Variants in LRMDA observed in about 807,000 individuals in gnomAD.
LRMDA encodes leucine-rich melanocyte differentiation-associated protein.
LRMDA carries 18 observed loss-of-function variants against 29.8 expected under a neutral mutation model. That is an observed-to-expected ratio of 0.60 (90% CI 0.42 to 0.90). The LOEUF (loss-of-function observed/expected upper bound fraction) is 0.90. Among genes scored for constraint, LRMDA ranks in the 40% least tolerant of loss-of-function variants. The pLI, the probability that LRMDA is intolerant of heterozygous loss-of-function variation, is 0.00. For synonymous variants in LRMDA, 125 were observed against 109.4 expected, an observed-to-expected ratio of 1.14 and a Z score of -0.89; for missense variants, 273 against 273.9, an observed-to-expected ratio of 1.00 and a Z score of 0.02.
At chr10:75,890,611 A>G (rs1435146500) in intron 2 of LRMDA, among the ~76,000 whole-genome samples, 1 of 152,112 alleles carries the variant, frequency 6.6e-6, no homozygotes, top group African/African-American at 2.4e-5. Context: ...GTAGGTGTGT[A>G]TATGTGTGGG....
chr10:75,895,928 T>C (rs1054598070), intron 2 of LRMDA, among the ~76,000 whole-genome samples: 1 of 152,212 alleles, frequency 6.6e-6, no homozygotes, highest in Admixed American at 6.5e-5. Context: ...CAGATGTGGT[T>C]GTGGGTTCCA....
chr10:75,836,033 A>G (rs1383220789), intron 2 of LRMDA, among the ~76,000 whole-genome samples: 1 of 152,198 alleles, frequency 6.6e-6, no homozygotes, highest in Non-Finnish European at 1.5e-5. Context: ...TGCACTGAAT[A>G]AGAAAAAAAA....
intron 5 of LRMDA, among the ~76,000 whole-genome samples, chr10:76,276,049 C>CTCTTTCTT (rs1199214325): frequency 1.4e-5 from 2 of 144,430 alleles, no homozygotes; most frequent in African/African-American, 2.7e-5. Flanking sequence ...ATCTATCTAT[C>CTCTTTCTT]TATCTCTTTC....
At chr10:75,493,895 ACGTG>A (rs1343727894) in intron 2 of LRMDA, among the ~76,000 whole-genome samples, 8 of 45,208 alleles carry the variant, frequency 1.8e-4, no homozygotes, top group African/African-American at 5.2e-4. Flanking sequence ...TCTGAAATTT[ACGTG>A]TGTGTGTGTG....
At chr10:75,682,645 A>G (rs1842037869) in intron 2 of LRMDA, among the ~76,000 whole-genome samples, 1 of 152,168 alleles carries the variant, frequency 6.6e-6, no homozygotes, top group African/African-American at 2.4e-5. Flanking sequence ...TTTTCCAAAG[A>G]CCACGTGCCT....
rs868086222 is a variant in LRMDA at position 75,871,728 on chromosome 10, A to G, written c.132-164280A>G. 5.3e-4 allele frequency among the ~76,000 whole-genome samples: 81 copies of G among 152,184 alleles called. No individual in the cohort carries two copies. In the Middle Eastern group the frequency reaches 0.014, roughly 26 times the overall value. ...CTTCAGTGGCTTCACAAGCTCCCCA[A>G]TATCGGACTGATTGTGTTTTAAAAT... On this transcript the variant is annotated intron_variant, in intron 2 of 6. Transcript: ENST00000611255.
rs531868170 is a variant in LRMDA at position 76,222,362 on chromosome 10, C to T, written c.517-102039C>T. On this transcript the variant is annotated intron_variant, in intron 5 of 6. Transcript: ENST00000611255. The stretch of plus-strand genomic sequence containing the variant: ...ACAAAATGGGAGAAAATTTTTGCAA[C>T]CTACTCATCTGACAAAGGGCTAATA... Among the ~76,000 whole-genome samples the T allele has an allele frequency of 1.7e-3, 257 of 152,154 alleles. 1 individual carries two copies. The highest frequency in any genetic ancestry group is 6.8e-3 in the Middle Eastern group (2 of 294).
At chr10:76,547,862 C>T (rs75995730) in intron 6 of LRMDA, among the ~76,000 whole-genome samples, 41 of 152,178 alleles carry the variant, frequency 2.7e-4, no homozygotes, top group African/African-American at 8.7e-4. Flanking sequence ...GAATCCAGCC[C>T]ATCTCAAATC....
chr10:76,018,010 T>G (rs1444314360), intron 2 of LRMDA, among the ~76,000 whole-genome samples: 1 of 152,214 alleles, frequency 6.6e-6, no homozygotes, highest in African/African-American at 2.4e-5. Flanking sequence ...CTGACATCTG[T>G]GCCATCTCTT....
Position 75,578,968 on chromosome 10 carries a change from G to A in LRMDA, c.131+140474G>A, listed in dbSNP as rs186893084. ...AATGCCCACAAGAGAAAGCAGGAAA[G>A]ATCTAAAATTGACACCCTAACATGA... On this transcript the variant is annotated intron_variant, in intron 2 of 6. Coordinates refer to ENST00000611255, the MANE Select transcript of LRMDA (RefSeq NM_001305581.2). Among the ~76,000 whole-genome samples, 10 of 152,178 alleles carry A rather than the reference G, an allele frequency of 6.6e-5. 1 individual carries two copies. Among genetic ancestry groups the A allele is most frequent in the African/African-American group, 2.4e-4 (10 of 41,526 alleles).
At chr10:75,608,472 T>G (rs1840987200) in intron 2 of LRMDA, among the ~76,000 whole-genome samples, 1 of 151,870 alleles carries the variant, frequency 6.6e-6, no homozygotes, top group Non-Finnish European at 1.5e-5. Context: ...GCTAAGAGAG[T>G]AGATCTTAAG....
chr10:75,891,067 C>T (rs1306861296), intron 2 of LRMDA, among the ~76,000 whole-genome samples: 4 of 151,584 alleles, frequency 2.6e-5, no homozygotes, highest in African/African-American at 7.3e-5. Flanking sequence ...ATCGCACCAC[C>T]GCACTCCAGC....
At chr10:75,547,789 A>G (rs926344942) in intron 2 of LRMDA, among the ~76,000 whole-genome samples, 1 of 152,178 alleles carries the variant, frequency 6.6e-6, no homozygotes, top group Non-Finnish European at 1.5e-5. Flanking sequence ...GGTCAAGCCC[A>G]ATTTATTAAA....
At chr10:75,614,017 G>A (rs954081609) in intron 2 of LRMDA, among the ~76,000 whole-genome samples, 5 of 152,178 alleles carry the variant, frequency 3.3e-5, no homozygotes, top group Non-Finnish European at 7.3e-5. Flanking sequence ...TGTGGCTTCA[G>A]CATGTGAGGA....
chr10:76,059,176 AAGGGAAGCT>A (rs973939107), intron 5 of LRMDA, among the ~76,000 whole-genome samples: 51 of 152,236 alleles, frequency 3.4e-4, no homozygotes, highest in African/African-American at 1.2e-3. Context: ...TTTGCCACCA[AAGGGAAGCT>A]AGGGAAGAGT....
chr10:75,824,431 A>G (rs1392616472), intron 2 of LRMDA, among the ~76,000 whole-genome samples: 2 of 152,202 alleles, frequency 1.3e-5, no homozygotes, highest in African/African-American at 2.4e-5. Flanking sequence ...AGAGTTGACT[A>G]GTTGCAACAG....
At chr10:75,449,173 G>A (rs866175717) in intron 2 of LRMDA, among the ~76,000 whole-genome samples, 113 of 137,638 alleles carry the variant, frequency 8.2e-4, no homozygotes, top group African/African-American at 2.7e-3. Flanking sequence ...AAAAAAAAAA[G>A]AAGTCGTGTT....
intron 2 of LRMDA, among the ~76,000 whole-genome samples, chr10:76,022,998 G>A (rs1405835549): frequency 1.3e-5 from 2 of 151,802 alleles, no homozygotes; most frequent in South Asian, 2.1e-4. Context: ...AATGGTTAAT[G>A]TCTACTCTCG....
At chr10:75,565,684 G>A (rs1405201246) in intron 2 of LRMDA, among the ~76,000 whole-genome samples, 1 of 152,190 alleles carries the variant, frequency 6.6e-6, no homozygotes, top group Non-Finnish European at 1.5e-5. Context: ...TAAAGTCATG[G>A]AAAGGTATGT....
Sources: allele counts gnomAD v4.1 joint callset (sites outside exome capture counted in the v4.1 genomes callset), GRCh38; gene constraint gnomAD v4.1.1; transcripts MANE v1.5; gene names NCBI Gene and HGNC (gene_info 2026-07-23, HGNC 2026-07-21).